Variants in CACNA1B observed in about 807,000 individuals in gnomAD.
The protein encoded by CACNA1B is voltage-dependent N-type calcium channel subunit alpha-1B.
A neutral mutation model predicts 247.2 loss-of-function variants in CACNA1B; 70 were observed. That is an observed-to-expected ratio of 0.28 (90% CI 0.23 to 0.35). The LOEUF (loss-of-function observed/expected upper bound fraction) is 0.35, where lower values mean the gene tolerates loss of function less well. Ranked by LOEUF, CACNA1B falls within the 10% of genes least tolerant of loss-of-function variation. CACNA1B has a pLI of 1.00. For missense variants in CACNA1B, 2,367 were observed against 3,197.4 expected, an observed-to-expected ratio of 0.74 and a Z score of 6.26; for synonymous variants, 1,231 against 1,294.4, an observed-to-expected ratio of 0.95 and a Z score of 1.05.
intron 42 of CACNA1B, among the ~76,000 whole-genome samples, chr9:138,117,384 C>T (rs910597688): frequency 6.6e-6 from 1 of 152,132 alleles, no homozygotes; most frequent in Non-Finnish European, 1.5e-5. Flanking sequence ...GGCGAGGCCC[C>T]CTACCCCCCG....
chr9:137,960,229 A>AT (rs372087141), intron 10 of CACNA1B, among the ~76,000 whole-genome samples: 1 of 20,224 alleles, frequency 4.9e-5, no homozygotes. Flanking sequence ...GGCCGGAGGG[A>AT]AGCCGGGAGA....
chr9:137,941,152 T>A (rs1057284465), intron 6 of CACNA1B, among the ~76,000 whole-genome samples: 5 of 152,128 alleles, frequency 3.3e-5, no homozygotes, highest in African/African-American at 1.2e-4. Context: ...ATGATATGAT[T>A]GTTTACATAG....
chr9:137,905,992 G>T (rs534693819), intron 3 of CACNA1B, among the ~76,000 whole-genome samples: 1 of 152,186 alleles, frequency 6.6e-6, no homozygotes, highest in Non-Finnish European at 1.5e-5. Flanking sequence ...AATACTAGTG[G>T]ACTATGGCAA....
intron 3 of CACNA1B, among the ~76,000 whole-genome samples, chr9:137,905,317 C>A (rs1374088486): frequency 6.7e-6 from 1 of 149,384 alleles, no homozygotes; most frequent in Non-Finnish European, 1.5e-5. Flanking sequence ...TGTGCCACTG[C>A]ACTCCAGCCT....
Position 138,073,426 on chromosome 9 carries a change from C to A in CACNA1B, c.4675-62C>A. On this transcript the variant is annotated intron_variant, in intron 32 of 46. Coordinates refer to ENST00000371372, the MANE Select transcript of CACNA1B (RefSeq NM_000718.4). This position sits in a 1 kb window ranked among gnomAD's most constrained non-coding sequence, Gnocchi z 6.4. The stretch of plus-strand genomic sequence containing the variant: ...GATGTGGGAAGAGGTTGTAGGGTGG[C>A]AGCAGCTTGCCTGCGCTTTCGGGGC... 1 of 962,004 alleles carries A rather than the reference C, an allele frequency of 1.0e-6. No individual in the cohort carries two copies. Among genetic ancestry groups the A allele is most frequent in the Non-Finnish European group, 1.7e-6 (1 of 590,716 alleles). The allele number at this position is 962,004 out of a possible 1,614,324, so 59.6% of individuals were successfully genotyped here.
intron 12 of CACNA1B, among the ~76,000 whole-genome samples, chr9:137,980,792 G>A (rs1293978408): frequency 6.6e-6 from 1 of 152,172 alleles, no homozygotes; most frequent in Admixed American, 6.5e-5. Context: ...ATTCACTTAG[G>A]ATAATGGCCT....
chr9:138,000,141 C>T (rs1422862773), intron 15 of CACNA1B, among the ~76,000 whole-genome samples: 3 of 150,156 alleles, frequency 2.0e-5, no homozygotes, highest in Non-Finnish European at 4.4e-5. Context: ...CTCTGTCGCC[C>T]AGGCTGGAGT....
Position 137,917,597 on chromosome 9 carries a change from C to T in CACNA1B, c.966+166C>T, listed in dbSNP as rs1373072083. Among the ~76,000 whole-genome samples the T allele has an allele frequency of 2.0e-5, 3 of 152,200 alleles. No individual in the cohort carries two copies. Among genetic ancestry groups the T allele is most frequent in the Non-Finnish European group, 4.4e-5 (3 of 68,020 alleles). On this transcript the variant is annotated intron_variant, in intron 6 of 46. Coordinates refer to ENST00000371372, the MANE Select transcript of CACNA1B (RefSeq NM_000718.4). This position sits in a 1 kb window ranked among gnomAD's most constrained non-coding sequence, Gnocchi z 5.5. ...AATGCAGGCTCTTTCCGGCAGACGCCCCACCCAAGGGTCCACCACAGGCAG... is the reference window on the plus strand; with the variant it reads ...AATGCAGGCTCTTTCCGGCAGACGCTCCACCCAAGGGTCCACCACAGGCAG...
At chr9:137,901,651 A>G (rs1957240990) in intron 3 of CACNA1B, among the ~76,000 whole-genome samples, 1 of 149,894 alleles carries the variant, frequency 6.7e-6, no homozygotes, top group African/African-American at 2.5e-5. Context: ...TTTGTATTCC[A>G]CCAGTTCTGT....
At chr9:137,996,054 G>A (rs149711276) in intron 15 of CACNA1B, among the ~76,000 whole-genome samples, 2 of 152,342 alleles carry the variant, frequency 1.3e-5, no homozygotes, top group East Asian at 1.9e-4. Context: ...TACACTGTTA[G>A]TGAGAATGTG....
In CACNA1B at chr9:137,957,952, CTG is replaced by C. The variant is rs1185339033; in HGVS notation, c.1333+266_1333+267del. The stretch of plus-strand genomic sequence containing the variant: ...TTTTCACTTTCTGGACCTGCTGCCT[CTG>C]AGGCTGTTGTGTCATCCCCTACCTC... On this transcript the variant is annotated intron_variant, in intron 10 of 46. Coordinates refer to ENST00000371372, the MANE Select transcript of CACNA1B (RefSeq NM_000718.4). This position sits in a 1 kb window ranked among gnomAD's most constrained non-coding sequence, Gnocchi z 4.7. Among the ~76,000 whole-genome samples, 2 of 152,222 alleles carry C rather than the reference CTG, an allele frequency of 1.3e-5. No homozygotes were observed. The highest frequency in any genetic ancestry group is 2.4e-5 in the African/African-American group (1 of 41,454).
At chr9:137,908,056 A>C (rs944045491) in intron 3 of CACNA1B, among the ~76,000 whole-genome samples, 3 of 152,148 alleles carry the variant, frequency 2.0e-5, no homozygotes, top group Admixed American at 6.6e-5. Context: ...ACAGAGTATT[A>C]ATTATTTTAG....
Position 138,121,901 on chromosome 9 carries a change from C to T in CACNA1B, c.6922C>T (p.Arg2308Cys), listed in dbSNP as rs200556692. The change falls in exon 47 of 47, where the codon CGC (arginine) becomes TGC (cysteine). Residue 2308 changes from arginine (R) to cysteine (C), a missense_variant. Transcript: ENST00000371372. This position sits in a 1 kb window ranked among gnomAD's most constrained non-coding sequence, Gnocchi z 6.8. ...SSLTSQSHPL[R>C]RVPNGYHCTL... ...CCTGACCTCCCAGTCTCACCCTCTC[C>T]GCCGCGTGCCCAACGGTTACCACTG... 6.1e-5 allele frequency: 98 copies of T among 1,612,216 alleles called. No homozygotes were observed. Among genetic ancestry groups the T allele is most frequent in the Non-Finnish European group, 7.5e-5 (89 of 1,179,854 alleles).
chr9:137,900,197 G>A (rs1358915516), intron 3 of CACNA1B, among the ~76,000 whole-genome samples: 6 of 152,154 alleles, frequency 3.9e-5, no homozygotes, highest in Non-Finnish European at 5.9e-5. Flanking sequence ...TGGCCCACGC[G>A]GAGGGTGTGT....
At chr9:138,070,264 G>A (rs998697193) in intron 32 of CACNA1B, among the ~76,000 whole-genome samples, 5 of 152,164 alleles carry the variant, frequency 3.3e-5, no homozygotes, top group Admixed American at 6.5e-5. Flanking sequence ...TGGACTGACC[G>A]TGCCTTGGAG....
chr9:138,061,646 T>C (rs779917890), intron 31 of CACNA1B, among the ~76,000 whole-genome samples: 4 of 152,132 alleles, frequency 2.6e-5, no homozygotes, highest in Non-Finnish European at 4.4e-5. Flanking sequence ...TCCAAGCTGA[T>C]GTTATATGGA....
At chr9:138,110,118 C>CATATATATATATATATATATACATAT (rs148792012) in intron 39 of CACNA1B, among the ~76,000 whole-genome samples, 1 of 134,470 alleles carries the variant, frequency 7.4e-6, no homozygotes, top group East Asian at 2.0e-4. Context: ...TATATATATA[C>CATATATATATATATATATATACATAT]ATATATATAT....
In CACNA1B at chr9:138,073,671, C is replaced by T; in HGVS notation, c.4791+67C>T. On this transcript the variant is annotated intron_variant, in intron 33 of 46. Transcript: ENST00000371372. This position sits in a 1 kb window ranked among gnomAD's most constrained non-coding sequence, Gnocchi z 6.4. ...TCCGTCTTGCTTCCCCTGCCCCCAC[C>T]ACAGTGGCCCCTCCTTTGGGAGGCT... 1.1e-6 allele frequency: 1 copy of T among 916,268 alleles called. No homozygotes were observed. Among genetic ancestry groups the T allele is most frequent in the Non-Finnish European group, 1.8e-6 (1 of 549,618 alleles). The allele number at this position is 916,268 out of a possible 1,614,324, so 56.8% of individuals were successfully genotyped here.
At chr9:137,976,273 A>G (rs1190091065) in intron 12 of CACNA1B, among the ~76,000 whole-genome samples, 1 of 152,198 alleles carries the variant, frequency 6.6e-6, no homozygotes, top group Non-Finnish European at 1.5e-5. Context: ...GATCCTGTCC[A>G]TAGATTTTCA....
Sources: allele counts gnomAD v4.1 joint callset (sites outside exome capture counted in the v4.1 genomes callset), GRCh38; gene constraint gnomAD v4.1.1; non-coding constraint Gnocchi (gnomAD v3.1); transcripts MANE v1.5; gene names NCBI Gene and HGNC (gene_info 2026-07-23, HGNC 2026-07-21).